Variants in IL22RA2 observed in about 807,000 individuals in gnomAD.
The protein encoded by IL22RA2 is interleukin 22 receptor subunit alpha 2.
In IL22RA2, 39 loss-of-function variants were observed where a neutral mutation model predicts 30.7. The observed-to-expected ratio is 1.27, with a 90% CI of 0.98 to 1.66. IL22RA2 has a LOEUF of 1.66. Ranked by LOEUF, IL22RA2 falls within the 40% of genes most tolerant of loss-of-function variation. The pLI, the probability that IL22RA2 is intolerant of heterozygous loss-of-function variation, is 0.00. For synonymous variants in IL22RA2, 103 were observed against 105.0 expected, an observed-to-expected ratio of 0.98 and a Z score of 0.11; for missense variants, 315 against 312.7, an observed-to-expected ratio of 1.01 and a Z score of -0.05.
intron 3 of IL22RA2, among the ~76,000 whole-genome samples, chr6:137,157,984 C>G (rs1242823920): frequency 6.6e-6 from 1 of 152,218 alleles, no homozygotes; most frequent in Non-Finnish European, 1.5e-5. Flanking sequence ...TCTTTTTCAA[C>G]TACCGATAGT....
Position 137,147,704 on chromosome 6 carries a change from C to A in IL22RA2, c.642+18G>T. On this transcript the variant is annotated intron_variant, in intron 6 of 6. Transcript: ENST00000296980. ...CAAAAGAAAAAAACTCTAAATATAT[C>A]TATTCATCTGAACTTACCTTTTCTA... 6.7e-7 allele frequency: 1 copy of A among 1,487,406 alleles called. No individual in the cohort carries two copies. The highest frequency in any genetic ancestry group is 9.1e-7 in the Non-Finnish European group (1 of 1,093,796). 92.1% of individuals were successfully genotyped at this position (1,487,406 alleles called of 1,614,324 possible). A position where few individuals can be genotyped will look rare whatever the true frequency, so the allele number is the denominator to read the frequency against.
At chr6:137,148,513 A>G (rs1448797749) in intron 5 of IL22RA2, among the ~76,000 whole-genome samples, 2 of 152,162 alleles carry the variant, frequency 1.3e-5, no homozygotes, top group Admixed American at 6.5e-5. Context: ...CTTAGGGTCT[A>G]GTTACCACAT....
chr6:137,150,855 C>T (rs1256154608), intron 5 of IL22RA2, among the ~76,000 whole-genome samples: 1 of 152,146 alleles, frequency 6.6e-6, no homozygotes, highest in Non-Finnish European at 1.5e-5. Flanking sequence ...AATTAGTTTG[C>T]TCAACTCTAT....
chr6:137,148,131 T>A (rs923097166), intron 5 of IL22RA2, among the ~76,000 whole-genome samples: 1 of 152,174 alleles, frequency 6.6e-6, no homozygotes, highest in East Asian at 1.9e-4. Context: ...CCTTTATAAA[T>A]GTAGGGAGTG....
intron 6 of IL22RA2, among the ~76,000 whole-genome samples, chr6:137,147,359 A>G (rs1235057816): frequency 6.7e-6 from 1 of 148,906 alleles, no homozygotes; most frequent in Non-Finnish European, 1.5e-5. Flanking sequence ...CACCTGGTCT[A>G]AAAATAAAAT....
intron 6 of IL22RA2, among the ~76,000 whole-genome samples, chr6:137,146,289 C>G (rs1002648465): frequency 6.6e-6 from 1 of 152,172 alleles, no homozygotes; most frequent in Non-Finnish European, 1.5e-5. Flanking sequence ...GCCTCAGCCT[C>G]CCAAAGTGCT....
At chr6:137,148,254 T>G (rs1198155072) in intron 5 of IL22RA2, among the ~76,000 whole-genome samples, 2 of 151,212 alleles carry the variant, frequency 1.3e-5, no homozygotes, top group African/African-American at 2.4e-5. Context: ...TGGTTTTGGG[T>G]TTTTTTTTGA....
chr6:137,160,264 C>T (rs2114379642), intron 2 of IL22RA2, among the ~76,000 whole-genome samples: 1 of 152,338 alleles, frequency 6.6e-6, no homozygotes, highest in Non-Finnish European at 1.5e-5. Context: ...TCAGTGCTAC[C>T]ACCACCAACA....
intron 5 of IL22RA2, among the ~76,000 whole-genome samples, chr6:137,152,525 A>G (rs1374508933): frequency 6.6e-6 from 1 of 152,240 alleles, no homozygotes; most frequent in Non-Finnish European, 1.5e-5. Flanking sequence ...CAGAAAGATT[A>G]GTAGTTGCCG....
intron 1 of IL22RA2, among the ~76,000 whole-genome samples, chr6:137,163,444 G>A (rs939513719): frequency 6.6e-6 from 1 of 152,186 alleles, no homozygotes; most frequent in African/African-American, 2.4e-5. Context: ...CCAGGACATG[G>A]GAAATCTGGG....
intron 5 of IL22RA2, 69 bp downstream of exon 5, chr6:137,154,868 GTCAC>G: frequency 9.2e-6 from 12 of 1,303,398 alleles, no homozygotes; most frequent in Non-Finnish European, 3.3e-6. Flanking sequence ...ACAAGGCCTA[GTCAC>G]TAGCCGTGCT....
intron 6 of IL22RA2, among the ~76,000 whole-genome samples, chr6:137,147,444 T>G (rs1205439947): frequency 6.6e-6 from 1 of 151,784 alleles, no homozygotes; most frequent in African/African-American, 2.4e-5. Context: ...AATGAATATT[T>G]GTGGCAGTCA....
chr6:137,162,579 C>T (rs1778543858), intron 1 of IL22RA2, among the ~76,000 whole-genome samples: 1 of 152,212 alleles, frequency 6.6e-6, no homozygotes, highest in Non-Finnish European at 1.5e-5. Flanking sequence ...CTGATTGAAG[C>T]AGGTCATCTG....
intron 1 of IL22RA2, among the ~76,000 whole-genome samples, chr6:137,165,207 T>C (rs1289082286): frequency 6.6e-6 from 1 of 151,976 alleles, no homozygotes; most frequent in Admixed American, 6.6e-5. Context: ...GCCACCAATA[T>C]CGGAAAGGTC....
At position 137,158,432 on chromosome 6, in the gene IL22RA2, A is replaced by G; in HGVS notation, c.112T>C (p.Ser38Pro). Residue 38 changes from serine to proline, a missense_variant, in exon 3 of 7, where the codon TCC (serine) becomes CCC (proline). Ser to Pro is a moderately conservative substitution (Grantham distance 74). Coordinates refer to ENST00000296980, the MANE Select transcript of IL22RA2 (RefSeq NM_052962.3). ...SLKPQRVQFQ[S>P]RNFHNILQWQ... ...TGCAAAATGTTGTGAAAATTTCGGG[A>G]CTGAAATTGTACCCTCTGAGGCTTC... 6.2e-7 allele frequency: 1 copy of G among 1,614,088 alleles called. No individual in the cohort carries two copies. Among genetic ancestry groups the G allele is most frequent in the Non-Finnish European group, 8.5e-7 (1 of 1,179,958 alleles).
At chr6:137,164,449 T>C (rs1209599592) in intron 1 of IL22RA2, among the ~76,000 whole-genome samples, 1 of 151,898 alleles carries the variant, frequency 6.6e-6, no homozygotes, top group Non-Finnish European at 1.5e-5. Context: ...CCAGGAACAA[T>C]AGAAAGAAAC....
Position 137,161,820 on chromosome 6 carries a change from A to C in IL22RA2, c.-65-6T>G. 1 of 1,239,738 alleles carries C rather than the reference A, an allele frequency of 8.1e-7. No homozygotes were observed. The highest frequency in any genetic ancestry group is 1.2e-6 in the Non-Finnish European group (1 of 854,140). 76.8% of individuals were successfully genotyped at this position (1,239,738 alleles called of 1,614,324 possible). On this transcript the variant is annotated splice_region_variant and splice_polypyrimidine_tract_variant and intron_variant, in intron 1 of 6. Coordinates refer to ENST00000296980, the MANE Select transcript of IL22RA2 (RefSeq NM_052962.3). Reference sequence around the variant, plus strand: ...GCTCAGGACCAAAGAGGAAACTGTAAAATCCACAAACAGACAATCACTCCC... The same window carrying C: ...GCTCAGGACCAAAGAGGAAACTGTACAATCCACAAACAGACAATCACTCCC...
intron 1 of IL22RA2, among the ~76,000 whole-genome samples, chr6:137,166,774 G>A (rs977737031): frequency 2.6e-5 from 4 of 152,228 alleles, no homozygotes; most frequent in East Asian, 3.8e-4. Context: ...ACACATATGG[G>A]AAAAACTGCA....
intron 5 of IL22RA2, among the ~76,000 whole-genome samples, chr6:137,149,858 C>T (rs993359594): frequency 2.6e-5 from 4 of 152,128 alleles, no homozygotes; most frequent in African/African-American, 9.7e-5. Flanking sequence ...TTTGCTATGC[C>T]AGAGGGCCTT....
Sources: gnomAD v4.1 joint callset for allele counts (sites outside exome capture counted in the v4.1 genomes callset) on GRCh38, gnomAD v4.1.1 for gene constraint, MANE v1.5 for transcripts, NCBI Gene and HGNC (gene_info 2026-07-23, HGNC 2026-07-21) for gene names.